The following CHKA variants were observed in gnomAD, a reference collection of about 807,000 sequenced individuals.
CHKA encodes the protein choline kinase alpha, also known as CHETK-alpha.
A neutral mutation model predicts 60.1 loss-of-function variants in CHKA; 34 were observed. The observed-to-expected ratio is 0.57, with a 90% CI of 0.43 to 0.75. CHKA has a LOEUF of 0.75. CHKA is among the 30% of genes least tolerant of loss of function. CHKA has a pLI of 0.00. For synonymous variants in CHKA, 217 were observed against 223.1 expected (o/e 0.97, Z 0.24); for missense variants, 563 against 561.3 (o/e 1.00, Z -0.03).
At chr11:68,120,505 C>T (rs920697556) in intron 1 of CHKA, among the ~76,000 whole-genome samples, 4 of 152,254 alleles carry the variant, frequency 2.6e-5, no homozygotes, top group African/African-American at 7.2e-5. Context: ...CTAGACCTAT[C>T]TTAAGCGTCA....
chr11:68,110,209 G>C (rs7938199), intron 1 of CHKA, among the ~76,000 whole-genome samples: 3 of 152,070 alleles, frequency 2.0e-5, no homozygotes, highest in Admixed American at 2.0e-4. Flanking sequence ...CGAAGAACAG[G>C]AACAAGGTAA....
At chr11:68,084,423 T>C (rs569441302) in intron 2 of CHKA, among the ~76,000 whole-genome samples, 285 of 73,652 alleles carry the variant, frequency 3.9e-3, no homozygotes, top group African/African-American at 0.01. Flanking sequence ...TATATATATA[T>C]ACACATATAT....
chr11:68,097,149 C>G lies in CHKA; in HGVS notation c.351-19G>C. Reference sequence around the variant, plus strand: ...GCCGCCTCTGTCAGAAATAAGAGGACAGTAAGTATCTTTATTGCAGGTGAG... The same window carrying G: ...GCCGCCTCTGTCAGAAATAAGAGGAGAGTAAGTATCTTTATTGCAGGTGAG... On this transcript the variant is annotated intron_variant, in intron 1 of 11. Transcript: ENST00000265689. 6 of 1,577,596 alleles carry G rather than the reference C, an allele frequency of 3.8e-6. No homozygotes were observed. Among genetic ancestry groups the G allele is most frequent in the Non-Finnish European group, 5.2e-6 (6 of 1,149,266 alleles).
At position 68,121,282 on chromosome 11, in the gene CHKA, G is replaced by C. The variant is rs899929910; in HGVS notation, c.-105C>G. The C allele has an allele frequency of 3.9e-5, 37 of 953,164 alleles. No homozygotes were observed. The highest frequency in any genetic ancestry group is 4.7e-5 in the Non-Finnish European group (37 of 786,398). 59.0% of individuals were successfully genotyped at this position (953,164 alleles called of 1,614,324 possible). On this transcript the variant is annotated 5_prime_UTR_variant, in exon 1 of 12. Transcript: ENST00000265689. ...CCGCTCTCTCACTGGCAGGCCGGCGGGGCAGGGGGCCGCGGCGGTTGGGCG... is the reference window on the plus strand; with the variant it reads ...CCGCTCTCTCACTGGCAGGCCGGCGCGGCAGGGGGCCGCGGCGGTTGGGCG...
chr11:68,094,180 C>CA (rs1405646628), intron 2 of CHKA, among the ~76,000 whole-genome samples: 7 of 152,164 alleles, frequency 4.6e-5, no homozygotes, highest in African/African-American at 1.7e-4. Context: ...ATGCAAAACA[C>CA]AAAAAACAGC....
Position 68,074,112 on chromosome 11 carries a change from C to CT in CHKA, c.630+604dup, listed in dbSNP as rs1382167075. ...ATGCTTTAGATATGTACATGTAACT[C>CT]TAAGACATGGTATACTGGTAAATGT... On this transcript the variant is annotated intron_variant, in intron 4 of 11. Transcript: ENST00000265689. 3.9e-5 allele frequency among the ~76,000 whole-genome samples: 6 copies of CT among 152,250 alleles called. No individual in the cohort carries two copies. The South Asian group carries it at 6.2e-4, about 16-fold the overall frequency.
At chr11:68,107,153 T>C (rs1590879366) in intron 1 of CHKA, among the ~76,000 whole-genome samples, 1 of 151,792 alleles carries the variant, frequency 6.6e-6, no homozygotes, top group Non-Finnish European at 1.5e-5. Flanking sequence ...TTGGGAGGCT[T>C]AGGCAGGAGA....
Position 68,121,232 on chromosome 11 carries a change from C to A in CHKA, c.-55G>T. On this transcript the variant is annotated 5_prime_UTR_variant, in exon 1 of 12. Transcript: ENST00000265689. ...GGCCGCAGCGCGAGAGGACTAGGCT[C>A]AGAGTCCGGCCGGGCGCCCCCTCGC... 9.2e-7 allele frequency: 1 copy of A among 1,086,108 alleles called. No homozygotes were observed. Among genetic ancestry groups the A allele is most frequent in the Non-Finnish European group, 1.1e-6 (1 of 894,396 alleles). The allele number at this position is 1,086,108 out of a possible 1,614,324, so 67.3% of individuals were successfully genotyped here. A position where few individuals can be genotyped will look rare whatever the true frequency, so the allele number is the denominator to read the frequency against.
intron 10 of CHKA, among the ~76,000 whole-genome samples, chr11:68,063,800 AC>A (rs1238843892): frequency 2.0e-5 from 3 of 152,066 alleles, no homozygotes; most frequent in Non-Finnish European, 4.4e-5. Context: ...TGGTAGTCCT[AC>A]CTTCTTCTCT....
chr11:68,065,482 T>C (rs982660890), intron 9 of CHKA, among the ~76,000 whole-genome samples: 1 of 152,150 alleles, frequency 6.6e-6, no homozygotes, highest in Admixed American at 6.5e-5. Context: ...GGAGGATCAC[T>C]TGAGCCCAGG....
intron 11 of CHKA, among the ~76,000 whole-genome samples, chr11:68,054,666 C>CT (rs1366742179): frequency 3.9e-5 from 6 of 152,292 alleles, no homozygotes; most frequent in South Asian, 4.1e-4. Context: ...TTACAATTAA[C>CT]TTTTTTGAAA....
chr11:68,054,966 G>C (rs769514203), intron 11 of CHKA, among the ~76,000 whole-genome samples: 40 of 152,190 alleles, frequency 2.6e-4, no homozygotes, highest in Non-Finnish European at 5.1e-4. Flanking sequence ...GTCTCTGAGT[G>C]GCCTGTGCTG....
intron 2 of CHKA, among the ~76,000 whole-genome samples, chr11:68,088,555 G>GA (rs1482687112): frequency 1.3e-5 from 2 of 152,038 alleles, no homozygotes; most frequent in Non-Finnish European, 2.9e-5. Flanking sequence ...AAAAGCATGA[G>GA]AACCATGACT....
At chr11:68,099,464 A>G (rs1857624061) in intron 1 of CHKA, among the ~76,000 whole-genome samples, 1 of 152,372 alleles carries the variant, frequency 6.6e-6, no homozygotes, top group Non-Finnish European at 1.5e-5. Context: ...ATGAGTCTCT[A>G]GGAACAAGAC....
rs754296188 is a variant in CHKA, at chr11:68,081,393, G to C, written c.516+11C>G. 1 of 1,610,948 alleles carries C rather than the reference G, an allele frequency of 6.2e-7. No individual in the cohort carries two copies. The highest frequency in any genetic ancestry group is 8.5e-7 in the Non-Finnish European group (1 of 1,177,230). On this transcript the variant is annotated intron_variant, in intron 3 of 11. Coordinates refer to ENST00000265689, the MANE Select transcript of CHKA (RefSeq NM_001277.3). ...CATCTCACACAGATGCAGAAAGACT[G>C]AATTACTTACTTGAAATTCATTTTC... is the stretch of plus-strand genomic sequence containing the variant.
chr11:68,117,647 A>G (rs1858442621), intron 1 of CHKA, among the ~76,000 whole-genome samples: 1 of 152,224 alleles, frequency 6.6e-6, no homozygotes, highest in Non-Finnish European at 1.5e-5. Context: ...AGATCACACC[A>G]GCCTGGGTGA....
At chr11:68,054,376 T>C (rs967419639) in intron 11 of CHKA, among the ~76,000 whole-genome samples, 1 of 152,224 alleles carries the variant, frequency 6.6e-6, no homozygotes, top group Non-Finnish European at 1.5e-5. Context: ...CCCTGGGTGC[T>C]GTGGGCACTG....
At chr11:68,067,576 C>G (rs1192536353) in intron 7 of CHKA, among the ~76,000 whole-genome samples, 1 of 152,124 alleles carries the variant, frequency 6.6e-6, no homozygotes, top group African/African-American at 2.4e-5. Flanking sequence ...GCCTGGGTGA[C>G]ACAGTAACAG....
chr11:68,053,965 G>A lies in CHKA; in HGVS notation c.*23C>T, dbSNP rs372803490. ...GCCTCCCCATGCAGTCCAGTGATGA[G>A]GTGGATGGAGTCCTCCCCACAGTCA... On this transcript the variant is annotated 3_prime_UTR_variant, in exon 12 of 12. Transcript: ENST00000265689. 333 of 1,609,176 alleles carry A rather than the reference G, an allele frequency of 2.1e-4. 1 individual carries two copies. Among genetic ancestry groups the A allele is most frequent in the Non-Finnish European group, 2.5e-4 (296 of 1,176,364 alleles).
Sources: gnomAD v4.1 joint callset for allele counts (sites outside exome capture counted in the v4.1 genomes callset) on GRCh38, gnomAD v4.1.1 for gene constraint, MANE v1.5 for transcripts, NCBI Gene and HGNC (gene_info 2026-07-23, HGNC 2026-07-21) for gene names.